Variants in AXDND1 observed in about 807,000 individuals in gnomAD.
AXDND1 encodes axonemal dynein light chain domain-containing protein 1.
AXDND1 carries 110 observed loss-of-function variants against 137.5 expected under a neutral mutation model. The observed-to-expected ratio is 0.80, with a 90% CI of 0.69 to 0.94. The LOEUF (loss-of-function observed/expected upper bound fraction) is 0.94. Ranked by LOEUF, AXDND1 falls within the 40% of genes least tolerant of loss-of-function variation. The pLI, the probability that AXDND1 is intolerant of heterozygous loss-of-function variation, is 0.00. For synonymous variants in AXDND1, 414 were observed against 399.7 expected, an observed-to-expected ratio of 1.04 and a Z score of -0.43; for missense variants, 1,191 against 1,169.8, an observed-to-expected ratio of 1.02 and a Z score of -0.26.
intron 16 of AXDND1, among the ~76,000 whole-genome samples, chr1:179,461,659 G>A (rs141737442): frequency 0.022 from 3,360 of 152,174 alleles, 94 homozygotes; most frequent in Admixed American, 0.059. Flanking sequence ...CCATTTTCAC[G>A]ATATTGATTC....
At chr1:179,473,037 A>G (rs1332834581) in intron 17 of AXDND1, among the ~76,000 whole-genome samples, 1 of 151,658 alleles carries the variant, frequency 6.6e-6, no homozygotes, top group Non-Finnish European at 1.5e-5. Context: ...TACCTCTGCC[A>G]TCTTACTGCT....
Position 179,367,478 on chromosome 1 carries a change from G to A in AXDND1, c.97+872G>A, listed in dbSNP as rs142324997. ...TGCAGTGAGCCGAGATTGCGCCACT[G>A]CACTCCAGCCTGGCGACAGAACGAG... On this transcript the variant is annotated intron_variant, in intron 2 of 25. Coordinates refer to ENST00000367618, the MANE Select transcript of AXDND1 (RefSeq NM_144696.6). 4.1e-3 allele frequency among the ~76,000 whole-genome samples: 625 copies of A among 152,284 alleles called. 2 individuals carry two copies. Among genetic ancestry groups the A allele is most frequent in the African/African-American group, 0.014 (585 of 41,560 alleles).
rs373380624 is a variant in AXDND1, at chr1:179,534,833, A to C, written c.2902A>C (p.Met968Leu). ...IKNKDLEELV[M>L]TSRKESKEEK... ...AAATAAAGATCTAGAGGAATTAGTC[A>C]TGACATCAAGAAAGGAGTCTAAAGA... Residue 968 changes from methionine (M) to leucine (L), a missense_variant, in exon 25 of 26, where the codon ATG (methionine) becomes CTG (leucine). Met to Leu is a conservative substitution (Grantham distance 15). Coordinates refer to ENST00000367618, the MANE Select transcript of AXDND1 (RefSeq NM_144696.6). 7 of 1,610,610 alleles carry C rather than the reference A, an allele frequency of 4.3e-6. No homozygotes were observed. The African/African-American group carries it at 9.4e-5, about 22-fold the overall frequency.
At chr1:179,414,349 G>A (rs922423302) in intron 12 of AXDND1, among the ~76,000 whole-genome samples, 1 of 152,038 alleles carries the variant, frequency 6.6e-6, no homozygotes, top group Non-Finnish European at 1.5e-5. Flanking sequence ...GAGCTGTATA[G>A]CATATCACTG....
chr1:179,459,673 TTTCTC>T (rs754648749), intron 16 of AXDND1, among the ~76,000 whole-genome samples: 24,453 of 149,944 alleles, frequency 0.16, 2,323 homozygotes, highest in East Asian at 0.34. Context: ...CTTGCTTTCT[TTTCTC>T]TTCTTTTCTT....
intron 4 of AXDND1, among the ~76,000 whole-genome samples, chr1:179,374,618 A>G (rs1668390387): frequency 6.6e-6 from 1 of 152,208 alleles, no homozygotes; most frequent in Non-Finnish European, 1.5e-5. Context: ...AATGTGGCAC[A>G]TATAAACCAT....
rs1250355296 is a variant in AXDND1 at position 179,368,808 on chromosome 1, G to C, written c.106G>C (p.Glu36Gln). The C allele has an allele frequency of 2.5e-6, 4 of 1,609,006 alleles. No individual in the cohort carries two copies. Among genetic ancestry groups the C allele is most frequent in the Non-Finnish European group, 3.4e-6 (4 of 1,178,338 alleles). The change falls in exon 3 of 26, where the codon GAG (glutamate) becomes CAG (glutamine). Residue 36 changes from glutamate to glutamine, a missense_variant. Glu to Gln is a conservative substitution (Grantham distance 29). Transcript: ENST00000367618. ...VAKEGTRGLP[E>Q]LKEKKNMVDR... ...TTCCACTACTTACTTAGGACTTCCT[G>C]AGCTAAAGGAGAAAAAAAATATGGT...
At chr1:179,520,349 C>T (rs1317562318) in intron 21 of AXDND1, among the ~76,000 whole-genome samples, 9 of 152,198 alleles carry the variant, frequency 5.9e-5, no homozygotes, top group Non-Finnish European at 1.5e-5. Context: ...GTTTGACTTT[C>T]TTACGATACA....
At chr1:179,438,172 A>ATAAATAAATACG (rs149093666) in intron 15 of AXDND1, among the ~76,000 whole-genome samples, 1 of 3,222 alleles carries the variant, frequency 3.1e-4, no homozygotes, top group Non-Finnish European at 9.0e-4. Context: ...AAATAAATAA[A>ATAAATAAATACG]TAAATAAATA....
In AXDND1 at chr1:179,408,581, T is replaced by C. The variant is rs571018462; in HGVS notation, c.1110-2565T>C. The stretch of plus-strand genomic sequence containing the variant: ...CTTTTAGTAGGATGGGTTTTCGCCA[T>C]GTTGGCCAGACTGGTCTTGAACTCC... On this transcript the variant is annotated intron_variant, in intron 11 of 25. Coordinates refer to ENST00000367618, the MANE Select transcript of AXDND1 (RefSeq NM_144696.6). Among the ~76,000 whole-genome samples the C allele has an allele frequency of 1.4e-4, 21 of 152,286 alleles. No individual in the cohort carries two copies. In the South Asian group the frequency reaches 4.1e-3, roughly 30 times the overall value.
chr1:179,440,025 T>C (rs1658770097), intron 15 of AXDND1, among the ~76,000 whole-genome samples: 1 of 152,242 alleles, frequency 6.6e-6, no homozygotes, highest in Non-Finnish European at 1.5e-5. Flanking sequence ...TGCCAGTGTC[T>C]TTCTGCTGGA....
Position 179,405,751 on chromosome 1 carries a change from GTC to G in AXDND1, c.1110-5389_1110-5388del, listed in dbSNP as rs139061524. Among the ~76,000 whole-genome samples the G allele has an allele frequency of 3.9e-3, 590 of 151,412 alleles. 4 individuals carry two copies. Among genetic ancestry groups the G allele is most frequent in the African/African-American group, 0.013 (547 of 41,076 alleles). On this transcript the variant is annotated intron_variant, in intron 11 of 25. Transcript: ENST00000367618. ...GTTTCTGATTTTATTTGCTTGAGTC[GTC>G]TCTCTTTTTTTCTTGGGTAGTCTAG...
At chr1:179,409,738 C>G (rs961839674) in intron 11 of AXDND1, among the ~76,000 whole-genome samples, 1 of 152,108 alleles carries the variant, frequency 6.6e-6, no homozygotes, top group East Asian at 1.9e-4. Context: ...AAAAATTAGC[C>G]AGGCGTGGAG....
At chr1:179,416,310 A>G (rs375430447) in intron 12 of AXDND1, among the ~76,000 whole-genome samples, 6 of 152,286 alleles carry the variant, frequency 3.9e-5, no homozygotes, top group South Asian at 2.1e-4. Context: ...TTGGGTTTAT[A>G]TACTGTGTTT....
intron 16 of AXDND1, among the ~76,000 whole-genome samples, chr1:179,465,250 GT>G (rs1310987409): frequency 6.6e-6 from 1 of 152,164 alleles, no homozygotes; most frequent in African/African-American, 2.4e-5. Flanking sequence ...CCCCTTTGTG[GT>G]TTTATCTACC....
chr1:179,456,141 G>T, intron 16 of AXDND1: 1 of 561,358 alleles, frequency 1.8e-6, no homozygotes, highest in Non-Finnish European at 3.4e-6. Context: ...CACTGTGCTT[G>T]GCTGAGTTCA....
intron 6 of AXDND1, among the ~76,000 whole-genome samples, chr1:179,381,248 G>C: frequency 6.6e-6 from 1 of 151,350 alleles, no homozygotes; most frequent in East Asian, 1.9e-4. Context: ...CACCATGTTA[G>C]CCAAGCTGGT....
intron 25 of AXDND1, chr1:179,535,173 A>G: frequency 3.0e-6 from 2 of 671,550 alleles, no homozygotes; most frequent in South Asian, 2.0e-5. Context: ...TTGTGAATGA[A>G]TAAAGTAGCT....
chr1:179,439,766 T>A (rs1392626242), intron 15 of AXDND1, among the ~76,000 whole-genome samples: 1 of 152,188 alleles, frequency 6.6e-6, no homozygotes, highest in Non-Finnish European at 1.5e-5. Context: ...GTCTTTGCAC[T>A]CAGGCTCAGC....
Sources: gnomAD v4.1 joint callset for allele counts (sites outside exome capture counted in the v4.1 genomes callset) on GRCh38, gnomAD v4.1.1 for gene constraint, MANE v1.5 for transcripts, NCBI Gene and HGNC (gene_info 2026-07-23, HGNC 2026-07-21) for gene names.